FOXP1: variants seen among roughly 807,000 people sequenced by gnomAD.
The protein encoded by FOXP1 is forkhead box protein P1.
A neutral mutation model predicts 98.2 loss-of-function variants in FOXP1; 15 were observed. That is an observed-to-expected ratio of 0.15 (90% CI 0.10 to 0.24). The LOEUF (loss-of-function observed/expected upper bound fraction) is 0.24, where lower values mean the gene tolerates loss of function less well. Ranked by LOEUF, FOXP1 falls within the 10% of genes least tolerant of loss-of-function variation. The pLI is 1.00. For missense variants in FOXP1, 633 were observed against 848.5 expected, an observed-to-expected ratio of 0.75 and a Z score of 3.15; for synonymous variants, 371 against 314.5, an observed-to-expected ratio of 1.18 and a Z score of -1.90.
Position 71,425,460 on chromosome 3 carries a change from A to T in FOXP1, c.-167-66216T>A, listed in dbSNP as rs190683688. Among the ~76,000 whole-genome samples, 42 of 152,256 alleles carry T rather than the reference A, an allele frequency of 2.8e-4. 1 individual carries two copies. The East Asian group carries it at 7.3e-3, about 27-fold the overall frequency. ...TTCTTAATACAGACTCTGGTTTCCAAATCCATTCCAAGGGGCCACTGCAGT... is the reference window on the plus strand; with the variant it reads ...TTCTTAATACAGACTCTGGTTTCCATATCCATTCCAAGGGGCCACTGCAGT... On this transcript the variant is annotated intron_variant, in intron 3 of 20. Transcript: ENST00000649528.
intron 4 of FOXP1, chr3:71,304,585 G>A (rs527847130): frequency 7.2e-5 from 11 of 152,232 alleles, no homozygotes; most frequent in African/African-American, 2.6e-4. Flanking sequence ...GAATACAATA[G>A]CACTAATCAC....
chr3:71,579,332 AT>A (rs2047966335), intron 2 of FOXP1, among the ~76,000 whole-genome samples: 1 of 152,202 alleles, frequency 6.6e-6, no homozygotes, highest in Non-Finnish European at 1.5e-5. Flanking sequence ...GAGACAGTTA[AT>A]TTGAATAGTT....
intron 6 of FOXP1, among the ~76,000 whole-genome samples, chr3:71,131,206 A>G (rs1017424725): frequency 1.3e-5 from 2 of 152,012 alleles, no homozygotes; most frequent in Non-Finnish European, 2.9e-5. Flanking sequence ...TCCACCATCA[A>G]CCAAACTACC....
chr3:71,219,143 T>C (rs2065162787), intron 5 of FOXP1, among the ~76,000 whole-genome samples: 1 of 152,172 alleles, frequency 6.6e-6, no homozygotes, highest in Non-Finnish European at 1.5e-5. Context: ...ATTTAAATAT[T>C]ACCTGCCTCT....
intron 6 of FOXP1, among the ~76,000 whole-genome samples, chr3:71,196,941 T>C (rs1409353948): frequency 6.6e-6 from 1 of 152,230 alleles, no homozygotes; most frequent in Non-Finnish European, 1.5e-5. Flanking sequence ...TTTTCCTTTC[T>C]TTCGCTTTGT....
intron 3 of FOXP1, among the ~76,000 whole-genome samples, chr3:71,436,707 A>G (rs926076496): frequency 1.3e-5 from 2 of 152,206 alleles, no homozygotes; most frequent in Non-Finnish European, 2.9e-5. Flanking sequence ...CCAAGTCTGG[A>G]GCACATCCTC....
chr3:71,030,666 G>A (rs1225510163), intron 11 of FOXP1, among the ~76,000 whole-genome samples: 1 of 152,168 alleles, frequency 6.6e-6, no homozygotes, highest in African/African-American at 2.4e-5. Flanking sequence ...TGTGACTTCT[G>A]TCCCACTGAG....
intron 4 of FOXP1, among the ~76,000 whole-genome samples, chr3:71,329,001 AAAC>A (rs2076116070): frequency 7.0e-6 from 1 of 143,628 alleles, no homozygotes; most frequent in Non-Finnish European, 1.5e-5. Flanking sequence ...AAAAAAAAAA[AAAC>A]TGACAGTTTC....
Position 70,955,635 on chromosome 3 carries a change from T to A in FOXP1, c.*3612A>T. 1 of 233,470 alleles carries A rather than the reference T, an allele frequency of 4.3e-6. No individual in the cohort carries two copies. The highest frequency in any genetic ancestry group is 2.2e-5 in the African/African-American group (1 of 45,420). 14.5% of individuals were successfully genotyped at this position (233,470 alleles called of 1,614,324 possible). The stretch of plus-strand genomic sequence containing the variant: ...TCCCCATTGTTAATCACTACTTCAC[T>A]GATAAACTTGGAAAAGTGTGACCCT... On this transcript the variant is annotated 3_prime_UTR_variant, in exon 21 of 21. Transcript: ENST00000649528.
intron 3 of FOXP1, among the ~76,000 whole-genome samples, chr3:71,433,687 C>T (rs976164782): frequency 6.6e-6 from 1 of 152,180 alleles, no homozygotes; most frequent in Admixed American, 6.5e-5. Flanking sequence ...CCCCAGCTTG[C>T]AATGTATTCT....
intron 2 of FOXP1, among the ~76,000 whole-genome samples, chr3:71,560,761 G>GT (rs1197568227): frequency 6.6e-6 from 1 of 152,106 alleles, no homozygotes; most frequent in Non-Finnish European, 1.5e-5. Flanking sequence ...TACAACATAG[G>GT]TAATCCTTGA....
chr3:71,462,531 C>A (rs982181013), intron 3 of FOXP1, among the ~76,000 whole-genome samples: 8 of 152,140 alleles, frequency 5.3e-5, no homozygotes, highest in African/African-American at 2.4e-5. Context: ...AAGCTCCAGT[C>A]GCCGTTCAAC....
intron 14 of FOXP1, among the ~76,000 whole-genome samples, chr3:70,979,501 T>C (rs2038407303): frequency 6.6e-6 from 1 of 152,054 alleles, no homozygotes; most frequent in South Asian, 2.1e-4. Flanking sequence ...TTACTGTTTA[T>C]GTGCTGTCTC....
chr3:71,299,092 G>A (rs1015308948), intron 5 of FOXP1, among the ~76,000 whole-genome samples: 1 of 152,120 alleles, frequency 6.6e-6, no homozygotes, highest in Non-Finnish European at 1.5e-5. Flanking sequence ...TATCAGAGAG[G>A]TACTTTTGAA....
At chr3:71,538,936 C>T (rs1403825847) in intron 2 of FOXP1, among the ~76,000 whole-genome samples, 1 of 152,006 alleles carries the variant, frequency 6.6e-6, no homozygotes, top group African/African-American at 2.4e-5. Flanking sequence ...ACTATTCTTT[C>T]TCCACTGAAT....
At chr3:71,261,755 G>A (rs2069157967) in intron 5 of FOXP1, among the ~76,000 whole-genome samples, 1 of 152,130 alleles carries the variant, frequency 6.6e-6, no homozygotes, top group Admixed American at 6.5e-5. Context: ...CTCTCGAGGG[G>A]ACGGAGGCAG....
chr3:71,217,577 A>C (rs1027017321), intron 5 of FOXP1, among the ~76,000 whole-genome samples: 42 of 152,144 alleles, frequency 2.8e-4, no homozygotes, highest in African/African-American at 1.0e-3. Flanking sequence ...ATTTGAGTAG[A>C]GTAGTATATT....
chr3:71,001,199 C>T, intron 12 of FOXP1, 140 bp from the exon 13 acceptor site: 1 of 681,640 alleles, frequency 1.5e-6, no homozygotes, highest in South Asian at 1.6e-5. Flanking sequence ...CTGTCCTTTC[C>T]ATCCCCACCC....
chr3:71,332,263 G>A (rs1016411824), intron 4 of FOXP1: 6 of 156,088 alleles, frequency 3.8e-5, no homozygotes, highest in African/African-American at 9.7e-5. Context: ...CAGACGCGCC[G>A]CCTTAAGAGC....
Sources: gnomAD v4.1 joint callset for allele counts (sites outside exome capture counted in the v4.1 genomes callset) on GRCh38, gnomAD v4.1.1 for gene constraint, MANE v1.5 for transcripts, NCBI Gene and HGNC (gene_info 2026-07-23, HGNC 2026-07-21) for gene names.